DAPK2: variants seen among roughly 807,000 people sequenced by gnomAD.
DAPK2 encodes the protein death-associated protein kinase 2.
Under a neutral mutation model 44.1 loss-of-function variants are expected in DAPK2, and 35 were observed. The observed-to-expected ratio is 0.79, with a 90% CI of 0.61 to 1.05. The LOEUF (loss-of-function observed/expected upper bound fraction) is 1.05, where lower values mean the gene tolerates loss of function less well. Among genes scored for constraint, DAPK2 ranks in the 50% least tolerant of loss-of-function variants. The probability of loss-of-function intolerance (pLI) is 0.00; values close to 1 mark genes in which losing one functional copy is unlikely to be tolerated. For missense variants in DAPK2, 453 were observed against 483.2 expected (o/e 0.94, Z 0.59); for synonymous variants, 174 against 182.6 (o/e 0.95, Z 0.38).
intron 3 of DAPK2, among the ~76,000 whole-genome samples, chr15:63,962,170 C>T (rs890440329): frequency 1.3e-5 from 2 of 152,202 alleles, no homozygotes; most frequent in Non-Finnish European, 2.9e-5. Flanking sequence ...ACATAGTTCT[C>T]GTGCCAGGGT....
chr15:63,943,306 T>C (rs995316619), intron 3 of DAPK2, among the ~76,000 whole-genome samples: 8 of 152,008 alleles, frequency 5.3e-5, no homozygotes, highest in Non-Finnish European at 8.8e-5. Flanking sequence ...CACACACTTG[T>C]AGTCCCAGCT....
chr15:64,004,824 C>T (rs978456472), intron 1 of DAPK2, among the ~76,000 whole-genome samples: 2 of 152,214 alleles, frequency 1.3e-5, no homozygotes, highest in Admixed American at 6.5e-5. Context: ...CTGAGAGCCA[C>T]ACCCTCCCTT....
At chr15:63,926,264 TCAATA>T (rs2079261500) in intron 6 of DAPK2, 171 bp from the exon 8 acceptor site, 1 of 613,494 alleles carries the variant, frequency 1.6e-6, no homozygotes, top group South Asian at 2.1e-5. Flanking sequence ...TAAGTCCAAT[TCAATA>T]CATGTTCATG....
intron 3 of DAPK2, among the ~76,000 whole-genome samples, chr15:63,949,299 C>T (rs938502967): frequency 2.0e-5 from 3 of 152,218 alleles, no homozygotes; most frequent in African/African-American, 7.2e-5. Flanking sequence ...ACCCTACCTG[C>T]TCTGTCTCTA....
Position 63,923,141 on chromosome 15 carries a change from T to A in DAPK2, c.858+1675A>T, listed in dbSNP as rs1318504115. On this transcript the variant is annotated intron_variant, in intron 8 of 10. Transcript: ENST00000261891. This position sits in a 1 kb window ranked among gnomAD's most constrained non-coding sequence, Gnocchi z 4.2. ...GGCCTCCACATCGTCCTGGATGGTA[T>A]CGTGGGCCTCCACCAGGGCACGGCA... is the stretch of plus-strand genomic sequence containing the variant. The A allele has an allele frequency of 2.6e-6, 4 of 1,535,850 alleles. No homozygotes were observed. The highest frequency in any genetic ancestry group is 3.5e-6 in the Non-Finnish European group (4 of 1,146,726).
intron 3 of DAPK2, among the ~76,000 whole-genome samples, chr15:63,952,486 G>A (rs78958700): frequency 8.9e-4 from 136 of 152,184 alleles, no homozygotes; most frequent in African/African-American, 3.0e-3. Context: ...CTTGTTGCCC[G>A]GGGCTAGGTT....
rs2079155836 is a variant in DAPK2 at position 63,923,710 on chromosome 15, C to T, written c.858+1106G>A. 6.6e-6 allele frequency among the ~76,000 whole-genome samples: 1 copy of T among 152,244 alleles called. No individual in the cohort carries two copies. The highest frequency in any genetic ancestry group is 1.5e-5 in the Non-Finnish European group (1 of 68,048). On this transcript the variant is annotated intron_variant, in intron 8 of 10. Coordinates refer to ENST00000261891, the Ensembl canonical transcript of DAPK2. The surrounding 1 kb of genome is among the most constrained non-coding windows in gnomAD (Gnocchi z 4.2). ...CGCAGCAGGGCTGAGGAGCATCTCT[C>T]CTTCAGGGCTCCTTGGGCCTTCCCC...
At chr15:63,924,850 G>A (rs1216934505) in exon 8 of DAPK2, 1 of 1,614,090 alleles carries the variant, frequency 6.2e-7, no homozygotes, top group Non-Finnish European at 8.5e-7. Context: ...CTCTTGGATT[G>A]TGAGCCGTTT....
intron 1 of DAPK2, among the ~76,000 whole-genome samples, chr15:64,005,883 A>T (rs1451238923): frequency 6.6e-6 from 1 of 152,014 alleles, no homozygotes; most frequent in African/African-American, 2.4e-5. Flanking sequence ...AAAATTTTTT[A>T]ATTAGCTAGG....
chr15:63,940,878 A>T (rs753602516), intron 3 of DAPK2, among the ~76,000 whole-genome samples: 27 of 152,204 alleles, frequency 1.8e-4, no homozygotes, highest in Non-Finnish European at 3.2e-4. Flanking sequence ...GCATAGGCAA[A>T]TCCACAGAGA....
chr15:63,948,057 C>T (rs996443250), intron 3 of DAPK2, among the ~76,000 whole-genome samples: 8 of 151,982 alleles, frequency 5.3e-5, no homozygotes, highest in Non-Finnish European at 1.0e-4. Context: ...CACCTGAGGT[C>T]GGGAGTTCAA....
chr15:64,015,499 G>A (rs1185987974), intron 1 of DAPK2, among the ~76,000 whole-genome samples: 1 of 152,232 alleles, frequency 6.6e-6, no homozygotes. Flanking sequence ...AGAAACAGGG[G>A]TGGGCAGTCA....
chr15:63,982,705 A>C (rs2078556212), intron 2 of DAPK2, among the ~76,000 whole-genome samples: 1 of 152,208 alleles, frequency 6.6e-6, no homozygotes, highest in East Asian at 1.9e-4. Context: ...AACCCGCCTC[A>C]CACTCATAGC....
chr15:64,013,297 T>G lies in DAPK2; in HGVS notation c.92+26873A>C, dbSNP rs181130983. On this transcript the variant is annotated intron_variant, in intron 1 of 10. Transcript: ENST00000261891. The surrounding 1 kb of genome is among the most constrained non-coding windows in gnomAD (Gnocchi z 4.7). ...TTATCTTTATACAAGGGTTAAGATC[T>G]TGTTCTTCATTACTGAGATTTTAAG... Among the ~76,000 whole-genome samples, 350 of 152,378 alleles carry G rather than the reference T, an allele frequency of 2.3e-3. 3 individuals carry two copies. Among genetic ancestry groups the G allele is most frequent in the African/African-American group, 8.1e-3 (337 of 41,594 alleles).
At chr15:63,971,326 G>T in intron 3 of DAPK2, 97 bp downstream of exon 4, 2 of 1,409,036 alleles carry the variant, frequency 1.4e-6, no homozygotes, top group Non-Finnish European at 1.9e-6. Context: ...GAGAAAGAAG[G>T]GCTGGTCGGC....
In DAPK2 at chr15:63,909,467, TTAAGAA is replaced by T. The variant is rs2078730175; in HGVS notation, c.1033-873_1033-868del. The T allele has an allele frequency of 2.0e-5, 3 of 152,318 alleles. No homozygotes were observed. The South Asian group carries it at 6.2e-4, about 32-fold the overall frequency. The allele number at this position is 152,318 out of a possible 1,614,324, so 9.4% of individuals were successfully genotyped here. A position where few individuals can be genotyped will look rare whatever the true frequency, so the allele number is the denominator to read the frequency against. On this transcript the variant is annotated intron_variant, in intron 10 of 10. Coordinates refer to ENST00000261891, the Ensembl canonical transcript of DAPK2. ...GCTATTTGAGTAAAAAGAGTACTAT[TTAAGAA>T]TATTTGTACAAGAACAAAAGTTTGG...
chr15:63,945,954 G>A (rs769962325), intron 3 of DAPK2, among the ~76,000 whole-genome samples: 9 of 152,170 alleles, frequency 5.9e-5, no homozygotes, highest in Non-Finnish European at 1.2e-4. Flanking sequence ...GGGGCAGTCC[G>A]ATTCTATCCA....
At chr15:64,024,920 G>T (rs1180022464) in intron 1 of DAPK2, among the ~76,000 whole-genome samples, 2 of 152,136 alleles carry the variant, frequency 1.3e-5, no homozygotes, top group African/African-American at 4.8e-5. Context: ...CAAGATCAGG[G>T]TCCTAAGGCC....
At chr15:63,985,364 C>T (rs2078640641) in intron 1 of DAPK2, among the ~76,000 whole-genome samples, 1 of 152,256 alleles carries the variant, frequency 6.6e-6, no homozygotes, top group Non-Finnish European at 1.5e-5. Flanking sequence ...AGTGTGAACT[C>T]TAACACATAT....
Sources: allele counts gnomAD v4.1 joint callset (sites outside exome capture counted in the v4.1 genomes callset), GRCh38; gene constraint gnomAD v4.1.1; non-coding constraint Gnocchi (gnomAD v3.1); transcripts MANE v1.5; gene names NCBI Gene and HGNC (gene_info 2026-07-23, HGNC 2026-07-21).